HIPK2: variants seen among roughly 807,000 people sequenced by gnomAD.
HIPK2 encodes the protein homeodomain interacting protein kinase 2.
HIPK2 carries 27 observed loss-of-function variants against 113.7 expected under a neutral mutation model. The observed-to-expected ratio is 0.24, with a 90% confidence interval of 0.17 to 0.33. The LOEUF is 0.33. HIPK2 is among the 10% of genes least tolerant of loss of function. The pLI is 1.00. For synonymous variants in HIPK2, 631 were observed against 642.2 expected (o/e 0.98, Z 0.26); for missense variants, 1,257 against 1,588.0 (o/e 0.79, Z 3.54).
Position 139,740,800 on chromosome 7 carries a change from T to G in HIPK2, c.20-23785A>C, listed in dbSNP as rs576802572. ...GCATGTGTCCCCTCCAAGCTGGCAG[T>G]AAACAAACACTCACACTTCATGTTT... is the stretch of plus-strand genomic sequence containing the variant. On this transcript the variant is annotated intron_variant, in intron 1 of 14. Coordinates refer to ENST00000406875, the MANE Select transcript of HIPK2 (RefSeq NM_022740.5). 9.2e-5 allele frequency among the ~76,000 whole-genome samples: 14 copies of G among 152,320 alleles called. No individual in the cohort carries two copies. The South Asian group carries it at 2.9e-3, about 32-fold the overall frequency.
At chr7:139,731,592 T>C (rs1585432952) in intron 1 of HIPK2, among the ~76,000 whole-genome samples, 1 of 152,300 alleles carries the variant, frequency 6.6e-6, no homozygotes, top group Admixed American at 6.5e-5. Context: ...TGCACACCCC[T>C]TGTACTCATG....
chr7:139,648,671 C>T (rs1172424219), intron 2 of HIPK2, among the ~76,000 whole-genome samples: 2 of 152,174 alleles, frequency 1.3e-5, no homozygotes, highest in Admixed American at 6.5e-5. Flanking sequence ...TACCGAGCAA[C>T]GCCCCCCACC....
At chr7:139,715,503 C>T (rs1296053217) in intron 2 of HIPK2, among the ~76,000 whole-genome samples, 1 of 152,210 alleles carries the variant, frequency 6.6e-6, no homozygotes, top group Non-Finnish European at 1.5e-5. Context: ...GACCTGGTTC[C>T]AACCAGGCTT....
chr7:139,574,072 C>A (rs893165295), intron 14 of HIPK2, among the ~76,000 whole-genome samples: 1 of 152,152 alleles, frequency 6.6e-6, no homozygotes, highest in African/African-American at 2.4e-5. Flanking sequence ...ATGATCCCCC[C>A]GCCTTGGGCT....
At position 139,563,071 on chromosome 7, in the gene HIPK2, G is replaced by C. The variant is rs914909715; in HGVS notation, c.*9856C>G. The C allele has an allele frequency of 7.1e-6, 1 of 141,330 alleles. No individual in the cohort carries two copies. The highest frequency in any genetic ancestry group is 1.5e-5 in the Non-Finnish European group (1 of 65,296). 8.8% of individuals were successfully genotyped at this position (141,330 alleles called of 1,614,324 possible). A position where few individuals can be genotyped will look rare whatever the true frequency, so the allele number is the denominator to read the frequency against. On this transcript the variant is annotated 3_prime_UTR_variant, in exon 15 of 15. Coordinates refer to ENST00000406875, the MANE Select transcript of HIPK2 (RefSeq NM_022740.5). ...CAGGAACACAAAAGGGAGGAGAGCA[G>C]AAACGGGGGACCGACTGACTCAGGG...
At chr7:139,681,349 C>A (rs1169200891) in intron 2 of HIPK2, among the ~76,000 whole-genome samples, 1 of 152,144 alleles carries the variant, frequency 6.6e-6, no homozygotes, top group East Asian at 1.9e-4. Flanking sequence ...AGGACACAGC[C>A]CACTTCTCAG....
intron 12 of HIPK2, among the ~76,000 whole-genome samples, chr7:139,592,623 G>A (rs948578996): frequency 6.6e-6 from 1 of 152,184 alleles, no homozygotes; most frequent in Non-Finnish European, 1.5e-5. Flanking sequence ...AAGGTTGTAT[G>A]CTACAGCCTT....
At chr7:139,693,523 T>C (rs1295034631) in intron 2 of HIPK2, among the ~76,000 whole-genome samples, 1 of 151,844 alleles carries the variant, frequency 6.6e-6, no homozygotes, top group African/African-American at 2.4e-5. Flanking sequence ...CTTCTAGCCT[T>C]GTGCCACTTG....
At chr7:139,650,279 G>A (rs920743369) in intron 2 of HIPK2, among the ~76,000 whole-genome samples, 2 of 149,788 alleles carry the variant, frequency 1.3e-5, no homozygotes, top group African/African-American at 5.0e-5. Flanking sequence ...GAACCCAGGA[G>A]GCAGAGGTTG....
intron 2 of HIPK2, among the ~76,000 whole-genome samples, chr7:139,700,359 C>T (rs1446649315): frequency 6.6e-6 from 1 of 152,178 alleles, no homozygotes; most frequent in Non-Finnish European, 1.5e-5. Context: ...ACTGACCACA[C>T]AGTGCCCTAC....
At chr7:139,579,648 C>G (rs1465147390) in intron 13 of HIPK2, among the ~76,000 whole-genome samples, 2 of 149,708 alleles carry the variant, frequency 1.3e-5, no homozygotes, top group African/African-American at 5.1e-5. Context: ...CAAAGGAAAA[C>G]CGGAAACCTG....
In HIPK2 at chr7:139,731,009, C is replaced by A. The variant is rs4077955; in HGVS notation, c.20-13994G>T. Among the ~76,000 whole-genome samples, 248 of 152,270 alleles carry A rather than the reference C, an allele frequency of 1.6e-3. 5 individuals are homozygous for A. In the East Asian group the frequency reaches 0.035, roughly 21 times the overall value. ...GATTTACCTGGAGTCTTCGAGGGAA[C>A]GTGGCCCTGCCAACTCCTCCAAAAC... is the stretch of plus-strand genomic sequence containing the variant. On this transcript the variant is annotated intron_variant, in intron 1 of 14. Coordinates refer to ENST00000406875, the MANE Select transcript of HIPK2 (RefSeq NM_022740.5).
chr7:139,741,990 C>A (rs1378009523), intron 1 of HIPK2, among the ~76,000 whole-genome samples: 3 of 152,186 alleles, frequency 2.0e-5, no homozygotes, highest in Non-Finnish European at 4.4e-5. Context: ...TCCAGAGAGA[C>A]TGGCAGGATT....
Position 139,777,632 on chromosome 7 carries a change from G to A in HIPK2, c.-9C>T. 1.8e-6 allele frequency: 2 copies of A among 1,089,354 alleles called. No homozygotes were observed. The highest frequency in any genetic ancestry group is 2.2e-6 in the Non-Finnish European group (2 of 895,236). 67.5% of individuals were successfully genotyped at this position (1,089,354 alleles called of 1,614,324 possible). On this transcript the variant is annotated 5_prime_UTR_variant, in exon 1 of 15. Transcript: ENST00000406875. ...TCGTACACGGGGGCCATCGGGGCCGGGGTGTCCGCGGTTCATGGCAACGGG... is the reference window on the plus strand; with the variant it reads ...TCGTACACGGGGGCCATCGGGGCCGAGGTGTCCGCGGTTCATGGCAACGGG...
chr7:139,665,156 G>A (rs1252256791), intron 2 of HIPK2, among the ~76,000 whole-genome samples: 1 of 151,878 alleles, frequency 6.6e-6, no homozygotes, highest in African/African-American at 2.4e-5. Flanking sequence ...TCCCACCTCA[G>A]CCTCCTGAGT....
In HIPK2 at chr7:139,655,315, A is replaced by G. The variant is rs142641270; in HGVS notation, c.1104-23590T>C. ...AAGCGAAGCTAGTTATGATAAACAA[A>G]CAAATGTCAGTCTTCCCTTTGGGAC... On this transcript the variant is annotated intron_variant, in intron 2 of 14. Transcript: ENST00000406875. Among the ~76,000 whole-genome samples, 8 of 152,358 alleles carry G rather than the reference A, an allele frequency of 5.3e-5. No homozygotes were observed. In the East Asian group the frequency reaches 1.4e-3, roughly 26 times the overall value.
chr7:139,712,179 AAAG>A (rs1454811247), intron 2 of HIPK2, among the ~76,000 whole-genome samples: 9 of 152,226 alleles, frequency 5.9e-5, no homozygotes, highest in Admixed American at 2.0e-4. Context: ...AAAAACTTAA[AAAG>A]CAGCCTTTGT....
intron 2 of HIPK2, among the ~76,000 whole-genome samples, chr7:139,697,051 C>T (rs1326981401): frequency 6.6e-6 from 1 of 152,202 alleles, no homozygotes; most frequent in African/African-American, 2.4e-5. Context: ...AACTATACCA[C>T]AGACTTTAGA....
At chr7:139,623,643 C>A (rs1386936361) in intron 6 of HIPK2, among the ~76,000 whole-genome samples, 1 of 152,096 alleles carries the variant, frequency 6.6e-6, no homozygotes, top group Non-Finnish European at 1.5e-5. Flanking sequence ...TAAAGAGGCA[C>A]TATCTGTTTG....
Sources: gnomAD v4.1 joint callset for allele counts (sites outside exome capture counted in the v4.1 genomes callset) on GRCh38, gnomAD v4.1.1 for gene constraint, MANE v1.5 for transcripts, NCBI Gene and HGNC (gene_info 2026-07-23, HGNC 2026-07-21) for gene names.